The following TP63 variants were observed in gnomAD, a reference collection of about 807,000 sequenced individuals.
The protein encoded by TP63 is tumor protein 63.
A neutral mutation model predicts 82.8 loss-of-function variants in TP63; 17 were observed. The observed-to-expected ratio is 0.21, with a 90% CI of 0.14 to 0.31. The LOEUF is 0.31. TP63 is among the 10% of genes least tolerant of loss of function. TP63 has a pLI of 1.00. For missense variants in TP63, 648 were observed against 895.3 expected (o/e 0.72, Z 3.52); for synonymous variants, 330 against 321.7 (o/e 1.03, Z -0.28).
At chr3:189,851,312 A>C (rs1197477748) in intron 4 of TP63, among the ~76,000 whole-genome samples, 8 of 152,162 alleles carry the variant, frequency 5.3e-5, no homozygotes, top group Non-Finnish European at 7.3e-5. Context: ...TAATCCCAGC[A>C]CTTTGGGAGG....
chr3:189,789,729 C>CAGAA lies in TP63; in HGVS notation c.325-18543_325-18542insAGAA. ...AAGTAGATTCATATTGTAAGGGTCT[C>CAGAA]GGGGTGGGGGGGTTGGCAAAATCCT... On this transcript the variant is annotated intron_variant, in intron 3 of 13. Coordinates refer to ENST00000264731, the MANE Select transcript of TP63 (RefSeq NM_003722.5). 2.0e-6 allele frequency: 3 copies of CAGAA among 1,482,488 alleles called. No homozygotes were observed. In the Admixed American group the frequency reaches 6.7e-5, roughly 33 times the overall value. 91.8% of individuals were successfully genotyped at this position (1,482,488 alleles called of 1,614,324 possible).
chr3:189,818,531 A>G (rs1388537542), intron 4 of TP63, among the ~76,000 whole-genome samples: 1 of 152,088 alleles, frequency 6.6e-6, no homozygotes, highest in Non-Finnish European at 1.5e-5. Flanking sequence ...ATTTTGATCC[A>G]TTTCATGGGG....
rs77591743 is a variant in TP63, at chr3:189,767,607, A to G, written c.324+28833A>G. 3.8e-3 allele frequency among the ~76,000 whole-genome samples: 576 copies of G among 152,298 alleles called. 4 individuals carry two copies. The highest frequency in any genetic ancestry group is 0.013 in the African/African-American group (550 of 41,572). On this transcript the variant is annotated intron_variant, in intron 3 of 13. Coordinates refer to ENST00000264731, the MANE Select transcript of TP63 (RefSeq NM_003722.5). The stretch of plus-strand genomic sequence containing the variant: ...TTTCATTTCTAACTCCTCTGGAACA[A>G]TATGATGAAACAGCCATACTCATCA...
intron 1 of TP63, among the ~76,000 whole-genome samples, chr3:189,656,708 T>A (rs948785302): frequency 6.6e-6 from 1 of 152,116 alleles, no homozygotes; most frequent in Non-Finnish European, 1.5e-5. Context: ...AACAGCTATA[T>A]TCATAAGGGA....
At chr3:189,726,805 A>G (rs1049344767) in intron 1 of TP63, among the ~76,000 whole-genome samples, 1 of 152,186 alleles carries the variant, frequency 6.6e-6, no homozygotes, top group Non-Finnish European at 1.5e-5. Context: ...AGTTTCTACA[A>G]CTTCACAAGT....
intron 3 of TP63, among the ~76,000 whole-genome samples, chr3:189,797,006 A>G (rs1040266070): frequency 2.0e-5 from 3 of 152,078 alleles, no homozygotes; most frequent in African/African-American, 7.2e-5. Context: ...TGGGGTTAAG[A>G]TAGAGCACAT....
Position 189,706,644 on chromosome 3 carries a change from C to T in TP63, c.63-31096C>T, listed in dbSNP as rs754746584. Among the ~76,000 whole-genome samples the T allele has an allele frequency of 4.4e-4, 67 of 152,172 alleles. 1 individual carries two copies. The highest frequency in any genetic ancestry group is 2.1e-4 in the Non-Finnish European group (14 of 68,026). On this transcript the variant is annotated intron_variant, in intron 1 of 13. Coordinates refer to ENST00000264731, the MANE Select transcript of TP63 (RefSeq NM_003722.5). ...CTGCATCTTGTGACATCCAGCAATA[C>T]ATCTCAAGCAGGGAAACTTTTTTTC...
chr3:189,842,901 G>T (rs1192757468), intron 4 of TP63, among the ~76,000 whole-genome samples: 2 of 152,220 alleles, frequency 1.3e-5, no homozygotes, highest in Non-Finnish European at 2.9e-5. Flanking sequence ...AACTGTGAAT[G>T]ATATTACTGG....
chr3:189,871,697 G>C (rs1405151097), intron 9 of TP63, among the ~76,000 whole-genome samples: 1 of 152,166 alleles, frequency 6.6e-6, no homozygotes. Flanking sequence ...CCTCACTCTA[G>C]TCCTGGCCCG....
Position 189,733,516 on chromosome 3 carries a change from C to G in TP63, c.63-4224C>G, listed in dbSNP as rs112637378. ...ACCTGGCTTTCGAGCTATCAGGCATCCCGTTTGGATCTTTGGATGTTGGGG... is the reference window on the plus strand; with the variant it reads ...ACCTGGCTTTCGAGCTATCAGGCATGCCGTTTGGATCTTTGGATGTTGGGG... On this transcript the variant is annotated intron_variant, in intron 1 of 13. Transcript: ENST00000264731. Among the ~76,000 whole-genome samples the G allele has an allele frequency of 3.8e-3, 577 of 152,306 alleles. 1 individual carries two copies. Among genetic ancestry groups the G allele is most frequent in the Middle Eastern group, 0.024 (7 of 294 alleles).
At chr3:189,617,534 C>G in the TP63 span, among the ~76,000 whole-genome samples, 1 of 152,100 alleles carries the variant, frequency 6.6e-6, no homozygotes, top group African/African-American at 2.4e-5. Flanking sequence ...TTGCAAAAGT[C>G]TACACTCCAG....
chr3:189,867,668 A>T (rs1717897495), intron 6 of TP63, among the ~76,000 whole-genome samples, 165 bp from the exon 7 acceptor site: 1 of 152,246 alleles, frequency 6.6e-6, no homozygotes, highest in African/African-American at 2.4e-5. Context: ...GCTTCCCCGC[A>T]GGCAAGATGA....
At chr3:189,657,746 T>C (rs1713512179) in intron 1 of TP63, among the ~76,000 whole-genome samples, 1 of 152,082 alleles carries the variant, frequency 6.6e-6, no homozygotes, top group Non-Finnish European at 1.5e-5. Flanking sequence ...TTATTTATGT[T>C]TACCTTGTAT....
chr3:189,686,111 A>T (rs1716413468), intron 1 of TP63, among the ~76,000 whole-genome samples: 1 of 152,162 alleles, frequency 6.6e-6, no homozygotes, highest in Non-Finnish European at 1.5e-5. Context: ...AGTAAAGAAG[A>T]AGAGAGTGCA....
chr3:189,738,742 A>C lies in TP63; in HGVS notation c.292A>C (p.Met98Leu). ...KIEISMDCIR[M>L]QDSDLSDPMW... is the part of the protein sequence containing the mutation. ...TGAGATTAGCATGGACTGTATCCGC[A>C]TGCAGGACTCGGACCTGAGTGACCC... Residue 98 changes from methionine (M) to leucine (L), a missense_variant, in exon 3 of 14, where the codon ATG becomes CTG. By Grantham distance (15) the Met-to-Leu change is conservative. Coordinates refer to ENST00000264731, the MANE Select transcript of TP63 (RefSeq NM_003722.5). 3 of 1,614,158 alleles carry C rather than the reference A, an allele frequency of 1.9e-6. No individual in the cohort carries two copies. The highest frequency in any genetic ancestry group is 2.5e-6 in the Non-Finnish European group (3 of 1,180,014).
At chr3:189,661,743 T>C (rs1713900374) in intron 1 of TP63, among the ~76,000 whole-genome samples, 1 of 152,040 alleles carries the variant, frequency 6.6e-6, no homozygotes, top group African/African-American at 2.4e-5. Context: ...CAATTCCATT[T>C]CAGAACTCAA....
At chr3:189,792,681 A>G (rs79898153) in intron 3 of TP63, among the ~76,000 whole-genome samples, 3,072 of 152,178 alleles carry the variant, frequency 0.02, 116 homozygotes, top group East Asian at 0.12. Context: ...AGCTATATGT[A>G]TACGATCGTG....
In TP63 at chr3:189,836,280, C is replaced by T. The variant is rs905589213; in HGVS notation, c.579+27754C>T. Among the ~76,000 whole-genome samples, 4 of 152,182 alleles carry T rather than the reference C, an allele frequency of 2.6e-5. No individual in the cohort carries two copies. In the East Asian group the frequency reaches 7.7e-4, roughly 29 times the overall value. On this transcript the variant is annotated intron_variant, in intron 4 of 13. Transcript: ENST00000264731. ...AGTTTTTCTTATTTCAACTGGCAAACAATATGAAACTGAATGTACCCAAAG... is the reference window on the plus strand; with the variant it reads ...AGTTTTTCTTATTTCAACTGGCAAATAATATGAAACTGAATGTACCCAAAG...
intron 4 of TP63, among the ~76,000 whole-genome samples, chr3:189,843,391 T>C (rs1049272800): frequency 6.6e-6 from 1 of 152,150 alleles, no homozygotes; most frequent in Admixed American, 6.5e-5. Context: ...GCTCCCAGCC[T>C]CCTTGGCTCA....
Sources: allele counts gnomAD v4.1 joint callset (sites outside exome capture counted in the v4.1 genomes callset), GRCh38; gene constraint gnomAD v4.1.1; transcripts MANE v1.5; gene names NCBI Gene and HGNC (gene_info 2026-07-23, HGNC 2026-07-21).